Variants in DIXDC1 observed in about 807,000 individuals in gnomAD.
DIXDC1 encodes the protein dixin.
A neutral mutation model predicts 103.1 loss-of-function variants in DIXDC1; 64 were observed. The observed-to-expected ratio is 0.62, with a 90% confidence interval of 0.51 to 0.76. DIXDC1 has a LOEUF of 0.76. Among genes scored for constraint, DIXDC1 ranks in the 30% least tolerant of loss-of-function variants. The pLI is 0.00. For missense variants in DIXDC1, 759 were observed against 834.2 expected, an observed-to-expected ratio of 0.91 and a Z score of 1.11; for synonymous variants, 266 against 298.5, an observed-to-expected ratio of 0.89 and a Z score of 1.12.
chr11:111,982,425 GAAC>G lies in DIXDC1; in HGVS notation c.862_864del (p.Gln288del), dbSNP rs781889898. On this transcript the variant is annotated inframe_deletion, in exon 7 of 20. Coordinates refer to ENST00000440460, the MANE Select transcript of DIXDC1 (RefSeq NM_001037954.4). ...GACCTCATGGGAAGAACAGCTGTTG[GAAC>G]AACAAGAATATTTAGAAAAAGAAAT... is the stretch of plus-strand genomic sequence containing the variant. The G allele has an allele frequency of 1.1e-5, 17 of 1,613,736 alleles. No homozygotes were observed. In the South Asian group the frequency reaches 1.8e-4, roughly 17 times the overall value.
intron 17 of DIXDC1, among the ~76,000 whole-genome samples, chr11:112,009,104 A>G (rs1340881538): frequency 6.6e-6 from 1 of 152,210 alleles, no homozygotes; most frequent in Non-Finnish European, 1.5e-5. Flanking sequence ...AATTGACACA[A>G]TAAAAAATGA....
intron 1 of DIXDC1, among the ~76,000 whole-genome samples, chr11:111,952,942 A>T (rs370478411): frequency 2.0e-5 from 3 of 152,094 alleles, no homozygotes; most frequent in East Asian, 1.9e-4. Flanking sequence ...GTGAGCTGTG[A>T]TCATGCCACT....
intron 3 of DIXDC1, among the ~76,000 whole-genome samples, chr11:111,971,603 A>G (rs587775672): frequency 6.6e-6 from 1 of 152,346 alleles, no homozygotes; most frequent in East Asian, 1.9e-4. Flanking sequence ...AGGAAAATAA[A>G]TCATTCTACC....
upstream of DIXDC1, among the ~76,000 whole-genome samples, chr11:111,935,939 T>C (rs1966174656): frequency 2.6e-5 from 4 of 152,330 alleles, no homozygotes; most frequent in South Asian, 8.3e-4. Flanking sequence ...AGAAACATCT[T>C]TGTGTTTAGC....
chr11:111,945,848 A>C (rs1555169308), intron 1 of DIXDC1: 1 of 152,068 alleles, frequency 6.6e-6, no homozygotes, highest in African/African-American at 2.4e-5. Context: ...AGCTCCCTGC[A>C]ACCTCTGCAT....
intron 8 of DIXDC1, 29 bp from the exon 9 acceptor site, chr11:111,986,842 T>G: frequency 6.4e-7 from 1 of 1,554,256 alleles, no homozygotes; most frequent in Non-Finnish European, 8.7e-7. Flanking sequence ...GCATAGGTGC[T>G]TAGCCATCTC....
intron 3 of DIXDC1, among the ~76,000 whole-genome samples, chr11:111,972,570 C>T (rs1164085544): frequency 6.6e-6 from 1 of 152,162 alleles, no homozygotes; most frequent in East Asian, 1.9e-4. Flanking sequence ...ATCCAGAGTC[C>T]TTCCTGTGGC....
At chr11:112,013,357 A>G (rs1234261330) in intron 17 of DIXDC1, among the ~76,000 whole-genome samples, 2 of 148,622 alleles carry the variant, frequency 1.3e-5, no homozygotes, top group African/African-American at 2.5e-5. Context: ...AATTCAGTCC[A>G]TAGCAATATT....
chr11:111,972,287 A>G (rs1555172126), intron 3 of DIXDC1, among the ~76,000 whole-genome samples: 1 of 152,160 alleles, frequency 6.6e-6, no homozygotes, highest in African/African-American at 2.4e-5. Context: ...TTTTATTTCT[A>G]GGGCAAAATT....
intron 2 of DIXDC1, among the ~76,000 whole-genome samples, chr11:111,932,224 A>C (rs1414478656): frequency 6.7e-6 from 1 of 150,050 alleles, no homozygotes; most frequent in Non-Finnish European, 1.5e-5. Flanking sequence ...TTTGGTAGAG[A>C]TGGGGTTTCA....
At chr11:111,968,376 C>A in intron 2 of DIXDC1, 137 bp from the exon 3 acceptor site, 1 of 920,138 alleles carries the variant, frequency 1.1e-6, no homozygotes, top group Non-Finnish European at 1.6e-6. Flanking sequence ...ATGACAAACA[C>A]CAGGACTTAA....
Position 111,977,264 on chromosome 11 carries a change from G to A in DIXDC1, c.656+2281G>A. On this transcript the variant is annotated intron_variant, in intron 5 of 19. Transcript: ENST00000440460. The surrounding 1 kb of genome is among the most constrained non-coding windows in gnomAD (Gnocchi z 6.1). ...TGGGTCGGAGCCCGGCTGCCTCGCCGCGTGTGACAGCCCAGGGAGGGAGCA... is the reference window on the plus strand; with the variant it reads ...TGGGTCGGAGCCCGGCTGCCTCGCCACGTGTGACAGCCCAGGGAGGGAGCA... 1.0e-6 allele frequency: 1 copy of A among 1,001,684 alleles called. No individual in the cohort carries two copies. Among genetic ancestry groups the A allele is most frequent in the South Asian group, 4.2e-5 (1 of 23,634 alleles). The allele number at this position is 1,001,684 out of a possible 1,614,324, so 62.0% of individuals were successfully genotyped here.
intron 1 of DIXDC1, chr11:111,928,613 A>T (rs1465185665): frequency 1.4e-5 from 2 of 146,520 alleles, no homozygotes; most frequent in Non-Finnish European, 3.0e-5. Context: ...ATAAAAAAAA[A>T]TTAGCCGGGC....
chr11:111,958,073 T>TG lies in DIXDC1; in HGVS notation c.61-6471dup, dbSNP rs1231828876. 6.6e-6 allele frequency among the ~76,000 whole-genome samples: 1 copy of TG among 152,078 alleles called. No homozygotes were observed. Among genetic ancestry groups the TG allele is most frequent in the Non-Finnish European group, 1.5e-5 (1 of 67,974 alleles). ...GCAGACCTGGGCATCCCTGTGCTCT[T>TG]GGGGGCCAGGAGCAGGCAGGAGCCC... On this transcript the variant is annotated intron_variant, in intron 1 of 19. Coordinates refer to ENST00000440460, the MANE Select transcript of DIXDC1 (RefSeq NM_001037954.4). This position sits in a 1 kb window ranked among gnomAD's most constrained non-coding sequence, Gnocchi z 4.2.
At chr11:111,949,940 T>C (rs1966723401) in intron 1 of DIXDC1, among the ~76,000 whole-genome samples, 1 of 152,136 alleles carries the variant, frequency 6.6e-6, no homozygotes, top group Non-Finnish European at 1.5e-5. Context: ...AACGTTTCTC[T>C]CTTGTAGCAG....
intron 2 of DIXDC1, among the ~76,000 whole-genome samples, chr11:111,965,017 G>A (rs1555171379): frequency 1.3e-5 from 2 of 152,046 alleles, no homozygotes; most frequent in African/African-American, 4.8e-5. Flanking sequence ...ACATAGGAGG[G>A]ACACCCAGCC....
chr11:111,993,161 T>C (rs1555174748), intron 12 of DIXDC1, among the ~76,000 whole-genome samples, 157 bp downstream of exon 12: 5 of 152,176 alleles, frequency 3.3e-5, no homozygotes. Flanking sequence ...TGTCCCCTGA[T>C]GCACTAGCTC....
intron 7 of DIXDC1, 52 bp from the exon 8 acceptor site, chr11:111,985,180 C>A: frequency 7.0e-7 from 1 of 1,435,806 alleles, no homozygotes; most frequent in Non-Finnish European, 9.7e-7. Context: ...CAACTCTGGA[C>A]TAAGTCATCT....
intron 1 of DIXDC1, among the ~76,000 whole-genome samples, chr11:111,953,248 G>A (rs766053123): frequency 3.9e-5 from 6 of 152,174 alleles, no homozygotes; most frequent in East Asian, 1.9e-4. Flanking sequence ...ATGGGAATGC[G>A]GTGGAAAGAA....
Sources: gnomAD v4.1 joint callset for allele counts (sites outside exome capture counted in the v4.1 genomes callset) on GRCh38, gnomAD v4.1.1 for gene constraint, Gnocchi (gnomAD v3.1) non-coding constraint, MANE v1.5 for transcripts, NCBI Gene and HGNC (gene_info 2026-07-23, HGNC 2026-07-21) for gene names.